Variants in COL8A1 observed in about 807,000 individuals in gnomAD.
The protein encoded by COL8A1 is collagen alpha-1(VIII) chain.
COL8A1 carries 21 observed loss-of-function variants against 42.7 expected under a neutral mutation model. The ratio of observed to expected loss-of-function variants is 0.49; its 90% CI spans 0.35 to 0.71. The LOEUF (loss-of-function observed/expected upper bound fraction) is 0.71. COL8A1 is among the 30% of genes least tolerant of loss of function. The pLI, the probability that COL8A1 is intolerant of heterozygous loss-of-function variation, is 0.01. For synonymous variants in COL8A1, 367 were observed against 369.1 expected (o/e 0.99, Z 0.06); for missense variants, 788 against 962.4 (o/e 0.82, Z 2.40).
intron 1 of COL8A1, among the ~76,000 whole-genome samples, chr3:99,644,243 G>A (rs1267339275): frequency 6.6e-6 from 1 of 152,140 alleles, no homozygotes; most frequent in Non-Finnish European, 1.5e-5. Context: ...AGGTGTGAAA[G>A]CTTTATAAGT....
chr3:99,659,432 C>T (rs1231619541), intron 1 of COL8A1, among the ~76,000 whole-genome samples: 5 of 152,158 alleles, frequency 3.3e-5, no homozygotes, highest in Non-Finnish European at 7.3e-5. Context: ...AAACAATATT[C>T]CCTTGTCCAG....
chr3:99,702,464 T>A (rs1386799689), intron 1 of COL8A1, among the ~76,000 whole-genome samples: 1 of 152,204 alleles, frequency 6.6e-6, no homozygotes, highest in Non-Finnish European at 1.5e-5. Flanking sequence ...AAGGACTGAC[T>A]AGTGTCCAAA....
intron 1 of COL8A1, among the ~76,000 whole-genome samples, chr3:99,661,769 G>T (rs909773696): frequency 3.3e-5 from 5 of 152,094 alleles, no homozygotes; most frequent in Non-Finnish European, 7.4e-5. Flanking sequence ...CATATATATT[G>T]TATTAAATAT....
At chr3:99,786,102 C>T (rs1344633681) in intron 2 of COL8A1, among the ~76,000 whole-genome samples, 4 of 151,930 alleles carry the variant, frequency 2.6e-5, no homozygotes, top group Admixed American at 6.6e-5. Context: ...TTTCCCCATA[C>T]GTTGTCTTAA....
intron 2 of COL8A1, among the ~76,000 whole-genome samples, chr3:99,763,565 C>T (rs151031383): frequency 2.7e-3 from 407 of 151,680 alleles, no homozygotes; most frequent in African/African-American, 8.7e-3. Context: ...CCTATGAGGT[C>T]GGTATTATTA....
At chr3:99,682,137 G>A (rs534171094) in intron 1 of COL8A1, among the ~76,000 whole-genome samples, 7 of 152,184 alleles carry the variant, frequency 4.6e-5, no homozygotes, top group South Asian at 2.1e-4. Context: ...AGTGCCGGCC[G>A]GGTTCGGTGG....
chr3:99,701,232 T>C (rs1011902029), intron 1 of COL8A1, among the ~76,000 whole-genome samples: 10 of 152,244 alleles, frequency 6.6e-5, no homozygotes, highest in African/African-American at 2.4e-4. Context: ...CAATTTACTT[T>C]TCACAAAACA....
At chr3:99,771,299 T>C (rs1260023686) in intron 2 of COL8A1, among the ~76,000 whole-genome samples, 1 of 152,222 alleles carries the variant, frequency 6.6e-6, no homozygotes, top group East Asian at 1.9e-4. Context: ...AATATTCATA[T>C]AATCCCACTC....
chr3:99,726,397 C>G (rs1477202706), intron 1 of COL8A1, among the ~76,000 whole-genome samples: 1 of 151,412 alleles, frequency 6.6e-6, no homozygotes, highest in South Asian at 2.1e-4. Context: ...TTTTGCTGTG[C>G]AGAAGCTCTT....
At chr3:99,686,944 C>T (rs557249040) in intron 1 of COL8A1, among the ~76,000 whole-genome samples, 1 of 152,242 alleles carries the variant, frequency 6.6e-6, no homozygotes, top group African/African-American at 2.4e-5. Context: ...GATCTTGGCT[C>T]ACTGCAACCC....
At chr3:99,656,288 A>G (rs1245158978) in intron 1 of COL8A1, among the ~76,000 whole-genome samples, 1 of 152,202 alleles carries the variant, frequency 6.6e-6, no homozygotes, top group East Asian at 1.9e-4. Context: ...ATTATATGAA[A>G]TAGAATTCCT....
intron 1 of COL8A1, among the ~76,000 whole-genome samples, chr3:99,725,513 C>G (rs1020940898): frequency 6.6e-6 from 1 of 150,454 alleles, no homozygotes; most frequent in Non-Finnish European, 1.5e-5. Context: ...GTGCTGCACC[C>G]ATTAACTTGT....
At chr3:99,665,976 C>A (rs921545680) in intron 1 of COL8A1, among the ~76,000 whole-genome samples, 1 of 152,048 alleles carries the variant, frequency 6.6e-6, no homozygotes, top group South Asian at 2.1e-4. Context: ...CAGGTGTGAG[C>A]CACCACGCCC....
At chr3:99,658,769 TTA>T (rs1938109833) in intron 1 of COL8A1, among the ~76,000 whole-genome samples, 1 of 152,316 alleles carries the variant, frequency 6.6e-6, no homozygotes, top group South Asian at 2.1e-4. Flanking sequence ...CAAGACGTCT[TTA>T]GCAACCAACA....
intron 2 of COL8A1, among the ~76,000 whole-genome samples, chr3:99,764,455 G>A (rs547300425): frequency 1.2e-3 from 188 of 152,214 alleles, no homozygotes; most frequent in African/African-American, 4.1e-3. Flanking sequence ...ATGTGTGTGC[G>A]TGTACACCAC....
At chr3:99,700,014 G>T (rs573117236) in intron 1 of COL8A1, among the ~76,000 whole-genome samples, 1 of 152,184 alleles carries the variant, frequency 6.6e-6, no homozygotes, top group African/African-American at 2.4e-5. Flanking sequence ...GCTAATGTGC[G>T]CATGAGTCAT....
chr3:99,740,426 A>G (rs912746003), intron 1 of COL8A1, among the ~76,000 whole-genome samples: 1 of 152,240 alleles, frequency 6.6e-6, no homozygotes, highest in African/African-American at 2.4e-5. Flanking sequence ...CTCACAGTTC[A>G]GCATGGCTGG....
chr3:99,674,252 G>T (rs1352130661), intron 1 of COL8A1, among the ~76,000 whole-genome samples: 1 of 151,900 alleles, frequency 6.6e-6, no homozygotes, highest in Non-Finnish European at 1.5e-5. Flanking sequence ...TTTCAGCTTT[G>T]TGGCCAGAGT....
At chr3:99,784,605 T>C (rs984018782) in intron 2 of COL8A1, among the ~76,000 whole-genome samples, 9 of 152,258 alleles carry the variant, frequency 5.9e-5, no homozygotes, top group Middle Eastern at 3.4e-3. Context: ...AACACAATGG[T>C]AAGTATTTGT....
Sources: gnomAD v4.1 joint callset for allele counts (sites outside exome capture counted in the v4.1 genomes callset) on GRCh38, gnomAD v4.1.1 for gene constraint, MANE v1.5 for transcripts, NCBI Gene and HGNC (gene_info 2026-07-23, HGNC 2026-07-21) for gene names.